Variants in LRP1B observed in about 807,000 individuals in gnomAD.
LRP1B encodes low-density lipoprotein receptor-related protein 1B.
In LRP1B, 217 loss-of-function variants were observed where a neutral mutation model predicts 556.6. The observed-to-expected ratio is 0.39, with a 90% CI of 0.35 to 0.44. The LOEUF (loss-of-function observed/expected upper bound fraction) is 0.44. Among genes scored for constraint, LRP1B ranks in the 20% least tolerant of loss-of-function variants. The pLI is 1.00. For missense variants in LRP1B, 5,053 were observed against 5,620.8 expected (o/e 0.90, Z 3.23); for synonymous variants, 2,047 against 1,865.8 (o/e 1.10, Z -2.50).
chr2:141,434,273 A>C (rs1680674364), intron 3 of LRP1B, among the ~76,000 whole-genome samples: 1 of 152,038 alleles, frequency 6.6e-6, no homozygotes, highest in Non-Finnish European at 1.5e-5. Context: ...GGCCTTATTC[A>C]TTTTAACTTT....
At chr2:141,282,567 T>C (rs548031875) in intron 3 of LRP1B, among the ~76,000 whole-genome samples, 1 of 151,606 alleles carries the variant, frequency 6.6e-6, no homozygotes, top group South Asian at 2.1e-4. Flanking sequence ...AGGTATATAA[T>C]AGGTTAGTCT....
chr2:141,074,073 C>A (rs756194635), intron 7 of LRP1B, among the ~76,000 whole-genome samples: 3 of 152,158 alleles, frequency 2.0e-5, no homozygotes, highest in Non-Finnish European at 4.4e-5. Flanking sequence ...CAATGGCGAA[C>A]ATGAGCTGGT....
intron 29 of LRP1B, among the ~76,000 whole-genome samples, chr2:140,845,758 T>C (rs188415945): frequency 4.5e-4 from 69 of 152,202 alleles, no homozygotes; most frequent in Admixed American, 4.5e-3. Flanking sequence ...AAAAGTAATT[T>C]TTGAATGTGT....
At chr2:141,335,806 A>G (rs1437806439) in intron 3 of LRP1B, among the ~76,000 whole-genome samples, 1 of 152,190 alleles carries the variant, frequency 6.6e-6, no homozygotes, top group East Asian at 1.9e-4. Context: ...AAGAGAGATA[A>G]ACATGCGTGT....
At chr2:141,463,525 T>C (rs2105047650) in intron 3 of LRP1B, among the ~76,000 whole-genome samples, 1 of 128,614 alleles carries the variant, frequency 7.8e-6, no homozygotes, top group South Asian at 2.4e-4. Context: ...ACAAATATTA[T>C]ATAAAATTAT....
intron 1 of LRP1B, among the ~76,000 whole-genome samples, chr2:142,076,049 T>C (rs1172180213): frequency 6.6e-6 from 1 of 152,110 alleles, no homozygotes; most frequent in African/African-American, 2.4e-5. Flanking sequence ...GTTATCACCC[T>C]GAAGCAATAA....
intron 29 of LRP1B, among the ~76,000 whole-genome samples, chr2:140,849,223 A>AAAAAAAAAAAG (rs1692368808): frequency 8.2e-6 from 1 of 121,942 alleles, no homozygotes; most frequent in African/African-American, 2.8e-5. Context: ...AAAAAAAAAA[A>AAAAAAAAAAAG]ATAGCCAGGT....
chr2:140,288,098 T>C (rs1683225884), intron 84 of LRP1B, among the ~76,000 whole-genome samples: 1 of 151,466 alleles, frequency 6.6e-6, no homozygotes, highest in African/African-American at 2.4e-5. Flanking sequence ...CTTTCCTCCT[T>C]TCTCTCATCT....
At chr2:141,702,547 T>C (rs79218651) in intron 2 of LRP1B, among the ~76,000 whole-genome samples, 5,387 of 150,556 alleles carry the variant, frequency 0.036, 138 homozygotes, top group Non-Finnish European at 0.054. Flanking sequence ...AATAGACCTT[T>C]GGAAAAGTTT....
At chr2:141,164,141 A>T (rs1680151258) in intron 7 of LRP1B, among the ~76,000 whole-genome samples, 1 of 152,114 alleles carries the variant, frequency 6.6e-6, no homozygotes, top group Non-Finnish European at 1.5e-5. Context: ...CAGAGGTGGA[A>T]ATGAAAGTTA....
chr2:141,391,190 C>G (rs1279853673), intron 3 of LRP1B, among the ~76,000 whole-genome samples: 4 of 152,120 alleles, frequency 2.6e-5, no homozygotes, highest in African/African-American at 9.7e-5. Flanking sequence ...GCAATTTTAG[C>G]AGAGTGAATT....
At chr2:140,570,192 A>AATCTATACT (rs1681272804) in intron 43 of LRP1B, among the ~76,000 whole-genome samples, 1 of 151,756 alleles carries the variant, frequency 6.6e-6, no homozygotes, top group Non-Finnish European at 1.5e-5. Context: ...TTGGAGCAGA[A>AATCTATACT]ATAAATGAAA....
In LRP1B at chr2:140,743,981, AAAAAAAAAAAGT is replaced by A. The variant is rs1430260182; in HGVS notation, c.5758+25220_5758+25231del. On this transcript the variant is annotated intron_variant, in intron 35 of 90. Coordinates refer to ENST00000389484, the MANE Select transcript of LRP1B (RefSeq NM_018557.3). Reference sequence around the variant, plus strand: ...ACTTGGTCTCAAAAAAAAAAAAAAAAAAAAAAAAAAGTAAAAAGTAAAATCCATAGACATAGA... The same window carrying A: ...ACTTGGTCTCAAAAAAAAAAAAAAAAAAAAAGTAAAATCCATAGACATAGA... 8.5e-4 allele frequency among the ~76,000 whole-genome samples: 37 copies of A among 43,564 alleles called. 2 individuals carry two copies. The East Asian group carries it at 0.014, about 17-fold the overall frequency. The allele number at this position is 43,564 out of a possible 152,430, so 28.6% of individuals were successfully genotyped here. A position where few individuals can be genotyped will look rare whatever the true frequency, so the allele number is the denominator to read the frequency against.
At chr2:140,697,110 A>G (rs995210170) in intron 41 of LRP1B, among the ~76,000 whole-genome samples, 2 of 152,138 alleles carry the variant, frequency 1.3e-5, no homozygotes, top group Non-Finnish European at 2.9e-5. Context: ...CTTGGCCATC[A>G]TGTTTCACTT....
intron 1 of LRP1B, among the ~76,000 whole-genome samples, chr2:141,812,473 T>C (rs1696390355): frequency 6.6e-6 from 1 of 152,056 alleles, no homozygotes; most frequent in Non-Finnish European, 1.5e-5. Context: ...TCCCAAACCA[T>C]ATCAAATTGT....
chr2:141,168,355 T>C (rs554153788), intron 7 of LRP1B, among the ~76,000 whole-genome samples: 1 of 152,052 alleles, frequency 6.6e-6, no homozygotes. Flanking sequence ...CTATTATAAC[T>C]AGGTTTTGGG....
At chr2:140,450,700 C>A (rs376523646) in intron 62 of LRP1B, 39 bp from the exon 63 acceptor site, 2 of 1,393,038 alleles carry the variant, frequency 1.4e-6, no homozygotes, top group South Asian at 2.4e-5. Context: ...GTTGAAGAAC[C>A]CAGTGCATAT....
At chr2:140,911,551 C>A (rs1694419960) in intron 21 of LRP1B, among the ~76,000 whole-genome samples, 1 of 151,780 alleles carries the variant, frequency 6.6e-6, no homozygotes, top group African/African-American at 2.4e-5. Flanking sequence ...CTGTGCCTTA[C>A]CCTTTCCTAA....
At chr2:140,525,761 A>C in intron 49 of LRP1B, 83 bp downstream of exon 49, 1 of 1,318,578 alleles carries the variant, frequency 7.6e-7, no homozygotes, top group South Asian at 1.5e-5. Flanking sequence ...TTAAGAATAA[A>C]ATTTTAAAAA....
Sources: allele counts gnomAD v4.1 joint callset (sites outside exome capture counted in the v4.1 genomes callset), GRCh38; gene constraint gnomAD v4.1.1; transcripts MANE v1.5; gene names NCBI Gene and HGNC (gene_info 2026-07-23, HGNC 2026-07-21).